The following SYT1 variants were observed in gnomAD, a reference collection of about 807,000 sequenced individuals.
SYT1 encodes the protein synaptotagmin 1.
In SYT1, 8 loss-of-function variants were observed where a neutral mutation model predicts 44.8. The observed-to-expected ratio is 0.18, with a 90% CI of 0.10 to 0.32. SYT1 has a LOEUF of 0.32. Ranked by LOEUF, SYT1 falls within the 10% of genes least tolerant of loss-of-function variation. The pLI is 1.00. For synonymous variants in SYT1, 154 were observed against 188.8 expected (o/e 0.82, Z 1.51); for missense variants, 286 against 509.3 (o/e 0.56, Z 4.22).
At chr12:79,310,575 A>G (rs1314177893) in intron 8 of SYT1, among the ~76,000 whole-genome samples, 1,547 of 152,026 alleles carry the variant, frequency 0.01, 27 homozygotes, top group African/African-American at 0.035. Flanking sequence ...GCTTGATGGG[A>G]ATGGCATTGA....
intron 4 of SYT1, among the ~76,000 whole-genome samples, chr12:79,219,960 G>A (rs1875055511): frequency 6.6e-6 from 1 of 151,958 alleles, no homozygotes; most frequent in Non-Finnish European, 1.5e-5. Context: ...AAATGAGTTT[G>A]GAAGTATTCC....
intron 6 of SYT1, among the ~76,000 whole-genome samples, chr12:79,292,361 C>G (rs780599028): frequency 3.9e-5 from 6 of 152,142 alleles, no homozygotes; most frequent in Non-Finnish European, 5.9e-5. Context: ...GTGGCACTTT[C>G]AGCAGGCAGA....
intron 3 of SYT1, among the ~76,000 whole-genome samples, chr12:79,173,598 G>T (rs1871684496): frequency 1.3e-5 from 2 of 152,084 alleles, no homozygotes; most frequent in African/African-American, 2.4e-5. Flanking sequence ...ATTCCAGATG[G>T]TTGGAATGAT....
chr12:78,867,782 T>C (rs1012095722), intron 1 of SYT1, among the ~76,000 whole-genome samples: 1 of 152,048 alleles, frequency 6.6e-6, no homozygotes, highest in Non-Finnish European at 1.5e-5. Context: ...CAGATAGTTC[T>C]AATCAACAAA....
At chr12:79,216,789 T>G (rs951968842) in intron 3 of SYT1, among the ~76,000 whole-genome samples, 2 of 152,184 alleles carry the variant, frequency 1.3e-5, no homozygotes, top group African/African-American at 4.8e-5. Flanking sequence ...TCTAAACTTA[T>G]AAGTTATGTT....
At chr12:79,196,188 A>G (rs894774410) in intron 3 of SYT1, among the ~76,000 whole-genome samples, 3 of 149,320 alleles carry the variant, frequency 2.0e-5, no homozygotes, top group African/African-American at 7.5e-5. Flanking sequence ...GTTGTTGTTG[A>G]GATGGAACCT....
intron 2 of SYT1, among the ~76,000 whole-genome samples, chr12:78,996,209 T>C (rs1159336465): frequency 6.6e-6 from 1 of 152,214 alleles, no homozygotes; most frequent in Admixed American, 6.6e-5. Context: ...GTGCATTAAG[T>C]AAACCATAAA....
intron 3 of SYT1, among the ~76,000 whole-genome samples, chr12:79,204,469 G>A (rs897442037): frequency 6.6e-6 from 1 of 152,178 alleles, no homozygotes; most frequent in Non-Finnish European, 1.5e-5. Context: ...TTGAGTTTCA[G>A]CAAAGCAACG....
chr12:79,301,615 AC>A (rs1416274249), intron 8 of SYT1, among the ~76,000 whole-genome samples: 1 of 152,058 alleles, frequency 6.6e-6, no homozygotes. Context: ...GGTCTCTCAT[AC>A]CTTTTTCTTG....
At chr12:78,948,448 TA>T (rs1028471301) in intron 1 of SYT1, among the ~76,000 whole-genome samples, 5 of 152,002 alleles carry the variant, frequency 3.3e-5, no homozygotes, top group African/African-American at 9.7e-5. Context: ...TTAATGAAAA[TA>T]TACTATTATT....
intron 1 of SYT1, among the ~76,000 whole-genome samples, chr12:78,973,236 T>A (rs1868503702): frequency 6.6e-6 from 1 of 152,186 alleles, no homozygotes; most frequent in Non-Finnish European, 1.5e-5. Context: ...ATGCATTACC[T>A]CAAATAATTA....
chr12:79,322,120 T>C (rs1050062662), intron 8 of SYT1, among the ~76,000 whole-genome samples: 3 of 152,182 alleles, frequency 2.0e-5, no homozygotes, highest in African/African-American at 7.2e-5. Flanking sequence ...GCATGCCCCA[T>C]TTCCAGTTGA....
In SYT1 at chr12:79,064,970, AAG is replaced by A. The variant is rs1555194757; in HGVS notation, c.-18+17610_-18+17611del. On this transcript the variant is annotated intron_variant, in intron 3 of 10. Transcript: ENST00000261205. ...AAAGAAAGAAAGAAAGAAAGAAAGA[AAG>A]AAAGAAAGAAAGAAAGAAAGAAAGA... 2.0e-5 allele frequency among the ~76,000 whole-genome samples: 3 copies of A among 150,740 alleles called. No homozygotes were observed. The South Asian group carries it at 6.8e-4, about 34-fold the overall frequency.
chr12:79,343,167 G>T (rs1033757100), intron 8 of SYT1, among the ~76,000 whole-genome samples: 3 of 151,962 alleles, frequency 2.0e-5, no homozygotes, highest in African/African-American at 7.3e-5. Context: ...TTAATGGTTC[G>T]GTAATATGGA....
intron 9 of SYT1, among the ~76,000 whole-genome samples, chr12:79,359,126 G>C (rs182964871): frequency 6.6e-6 from 1 of 152,238 alleles, no homozygotes; most frequent in African/African-American, 2.4e-5. Flanking sequence ...AATCAACAAG[G>C]GTAAAAAGTG....
chr12:79,182,984 G>A (rs986811585), intron 3 of SYT1, among the ~76,000 whole-genome samples: 2 of 151,996 alleles, frequency 1.3e-5, no homozygotes, highest in East Asian at 3.9e-4. Context: ...TGTAATAATC[G>A]TTCAGAGTAA....
At chr12:79,098,254 A>G (rs1878260423) in intron 3 of SYT1, among the ~76,000 whole-genome samples, 1 of 152,076 alleles carries the variant, frequency 6.6e-6, no homozygotes, top group Non-Finnish European at 1.5e-5. Flanking sequence ...TTCTTCCACG[A>G]CACTGTCATC....
chr12:78,893,123 G>C (rs1438870488), intron 1 of SYT1, among the ~76,000 whole-genome samples: 1 of 151,746 alleles, frequency 6.6e-6, no homozygotes, highest in Non-Finnish European at 1.5e-5. Context: ...TACTGAGGAG[G>C]AGTCTACAAA....
intron 2 of SYT1, among the ~76,000 whole-genome samples, chr12:78,982,856 T>C (rs191111541): frequency 2.0e-5 from 3 of 152,312 alleles, no homozygotes; most frequent in East Asian, 3.9e-4. Context: ...ACAAATCTTA[T>C]CCATCATGCA....
Sources: allele counts gnomAD v4.1 joint callset (sites outside exome capture counted in the v4.1 genomes callset), GRCh38; gene constraint gnomAD v4.1.1; transcripts MANE v1.5; gene names NCBI Gene and HGNC (gene_info 2026-07-23, HGNC 2026-07-21).